The following ZNF804A variants were observed in gnomAD, a reference collection of about 807,000 sequenced individuals.
The protein encoded by ZNF804A is zinc finger protein 804A.
A neutral mutation model predicts 16.5 loss-of-function variants in ZNF804A; 2 were observed. That is an observed-to-expected ratio of 0.12 (90% CI 0.05 to 0.38). The LOEUF (loss-of-function observed/expected upper bound fraction) is 0.38. Among genes scored for constraint, ZNF804A ranks in the 10% least tolerant of loss-of-function variants. ZNF804A has a pLI of 0.99. For missense variants in ZNF804A, 1,473 were observed against 1,390.7 expected (o/e 1.06, Z -0.94); for synonymous variants, 534 against 489.6 (o/e 1.09, Z -1.20).
At chr2:184,630,309 C>T (rs149998382) in intron 1 of ZNF804A, among the ~76,000 whole-genome samples, 61 of 152,204 alleles carry the variant, frequency 4.0e-4, no homozygotes, top group African/African-American at 1.5e-3. Context: ...GAGACTATGA[C>T]CTGTCCAAGG....
At chr2:184,702,107 A>C (rs1375964701) in intron 1 of ZNF804A, among the ~76,000 whole-genome samples, 1 of 151,998 alleles carries the variant, frequency 6.6e-6, no homozygotes, top group East Asian at 1.9e-4. Context: ...AAAATAAACT[A>C]TACTTGTTTT....
intron 1 of ZNF804A, among the ~76,000 whole-genome samples, chr2:184,751,217 GGT>G (rs1693872728): frequency 6.6e-6 from 1 of 151,274 alleles, no homozygotes; most frequent in Admixed American, 6.6e-5. Flanking sequence ...TGGTTCATAT[GGT>G]TGTTCTATTT....
At chr2:184,673,042 G>A (rs1382162717) in intron 1 of ZNF804A, among the ~76,000 whole-genome samples, 1 of 150,108 alleles carries the variant, frequency 6.7e-6, no homozygotes, top group African/African-American at 2.5e-5. Context: ...TCTCATCATA[G>A]GAAAAGCAAG....
At chr2:184,809,327 G>A (rs1450836794) in intron 1 of ZNF804A, among the ~76,000 whole-genome samples, 1 of 151,704 alleles carries the variant, frequency 6.6e-6, no homozygotes, top group African/African-American at 2.4e-5. Context: ...AAGAATGAAT[G>A]AGTAGGAGAA....
rs986338684 is a variant in ZNF804A, at chr2:184,751,730, C to T, written c.112-114639C>T. 4.0e-5 allele frequency among the ~76,000 whole-genome samples: 6 copies of T among 151,380 alleles called. No homozygotes were observed. The South Asian group carries it at 8.3e-4, about 21-fold the overall frequency. On this transcript the variant is annotated intron_variant, in intron 1 of 3. Transcript: ENST00000302277. ...TGGAGAAAACATTTGCAAATTATGC[C>T]TCTTACAAAGGACTAATATCCAGAA...
intron 1 of ZNF804A, among the ~76,000 whole-genome samples, chr2:184,776,503 T>C (rs573750255): frequency 6.6e-6 from 1 of 151,420 alleles, no homozygotes; most frequent in African/African-American, 2.4e-5. Context: ...TGTAAACCTC[T>C]GTGTAAAAGT....
rs368660568 is a variant in ZNF804A, at chr2:184,743,378, A to G, written c.112-122991A>G. Among the ~76,000 whole-genome samples the G allele has an allele frequency of 1.9e-4, 29 of 152,094 alleles. No homozygotes were observed. The East Asian group carries it at 2.3e-3, about 12-fold the overall frequency. On this transcript the variant is annotated intron_variant, in intron 1 of 3. Coordinates refer to ENST00000302277, the MANE Select transcript of ZNF804A (RefSeq NM_194250.2). ...CAATGGTATTCTTGACTCACTTTAT[A>G]TTGTTCATAGTTGATGCCTTTGAAC...
chr2:184,877,597 G>A (rs1350131729), intron 2 of ZNF804A, among the ~76,000 whole-genome samples: 1 of 151,932 alleles, frequency 6.6e-6, no homozygotes, highest in Non-Finnish European at 1.5e-5. Context: ...GATAAATATG[G>A]TAAATAGCAA....
chr2:184,659,408 C>A (rs896966886), intron 1 of ZNF804A, among the ~76,000 whole-genome samples: 1 of 151,992 alleles, frequency 6.6e-6, no homozygotes, highest in Non-Finnish European at 1.5e-5. Flanking sequence ...TGGTCAGATA[C>A]TTTATATGCA....
At chr2:184,853,006 G>A (rs1443717545) in intron 1 of ZNF804A, among the ~76,000 whole-genome samples, 1 of 151,594 alleles carries the variant, frequency 6.6e-6, no homozygotes, top group Non-Finnish European at 1.5e-5. Context: ...TAATAGAGGT[G>A]CCATTTAATC....
At chr2:184,656,915 C>A (rs1327289571) in intron 1 of ZNF804A, among the ~76,000 whole-genome samples, 1 of 151,944 alleles carries the variant, frequency 6.6e-6, no homozygotes, top group Non-Finnish European at 1.5e-5. Context: ...AAATGTTCTG[C>A]CAGGTAATGT....
At chr2:184,658,806 CA>C (rs1313062138) in intron 1 of ZNF804A, among the ~76,000 whole-genome samples, 1 of 152,178 alleles carries the variant, frequency 6.6e-6, no homozygotes, top group East Asian at 1.9e-4. Flanking sequence ...ATGTTTCAGG[CA>C]AATGTTTTCA....
intron 1 of ZNF804A, among the ~76,000 whole-genome samples, chr2:184,629,567 A>T (rs1246511117): frequency 6.6e-6 from 1 of 152,216 alleles, no homozygotes; most frequent in Non-Finnish European, 1.5e-5. Flanking sequence ...TAATACAAAT[A>T]TACAATAAAC....
intron 1 of ZNF804A, among the ~76,000 whole-genome samples, chr2:184,837,618 G>A (rs1371543788): frequency 1.3e-5 from 2 of 151,832 alleles, no homozygotes; most frequent in African/African-American, 4.8e-5. Context: ...CTTTTTTACA[G>A]AAATATTTAA....
intron 1 of ZNF804A, among the ~76,000 whole-genome samples, chr2:184,837,956 G>A (rs549072169): frequency 6.6e-6 from 1 of 152,112 alleles, no homozygotes; most frequent in South Asian, 2.1e-4. Context: ...GAAACAGCAG[G>A]AAAAAAGGCA....
intron 1 of ZNF804A, among the ~76,000 whole-genome samples, chr2:184,786,682 G>C (rs1379164459): frequency 1.3e-5 from 2 of 151,886 alleles, no homozygotes; most frequent in African/African-American, 4.8e-5. Flanking sequence ...GGAATGTCCT[G>C]AAGAGCAATT....
intron 1 of ZNF804A, among the ~76,000 whole-genome samples, chr2:184,825,477 T>C (rs1158519103): frequency 6.6e-6 from 1 of 152,096 alleles, no homozygotes; most frequent in Non-Finnish European, 1.5e-5. Flanking sequence ...AACTCAAATA[T>C]AAAAATTAAT....
intron 1 of ZNF804A, among the ~76,000 whole-genome samples, chr2:184,790,167 T>C (rs1407312834): frequency 6.6e-6 from 1 of 152,112 alleles, no homozygotes; most frequent in Admixed American, 6.5e-5. Flanking sequence ...TTTAACTTTA[T>C]TCCACTGTGC....
intron 2 of ZNF804A, among the ~76,000 whole-genome samples, chr2:184,874,127 C>T (rs1245547071): frequency 6.6e-6 from 1 of 152,024 alleles, no homozygotes; most frequent in Non-Finnish European, 1.5e-5. Flanking sequence ...TTTTTATATT[C>T]TTCAAATTAA....
Sources: gnomAD v4.1 joint callset for allele counts (sites outside exome capture counted in the v4.1 genomes callset) on GRCh38, gnomAD v4.1.1 for gene constraint, MANE v1.5 for transcripts, NCBI Gene and HGNC (gene_info 2026-07-23, HGNC 2026-07-21) for gene names.